The following CCDC66 variants were observed in gnomAD, a reference collection of about 807,000 sequenced individuals.
The protein encoded by CCDC66 is coiled-coil domain-containing protein 66.
A neutral mutation model predicts 128.3 loss-of-function variants in CCDC66; 133 were observed. The observed-to-expected ratio is 1.04, with a 90% CI of 0.90 to 1.20. CCDC66 has a LOEUF of 1.20. CCDC66 is among the 50% of genes most tolerant of loss of function. The probability of loss-of-function intolerance (pLI) is 0.00; values close to 1 mark genes in which losing one functional copy is unlikely to be tolerated. For synonymous variants in CCDC66, 387 were observed against 357.0 expected, an observed-to-expected ratio of 1.08 and a Z score of -0.95; for missense variants, 1,126 against 1,075.5, an observed-to-expected ratio of 1.05 and a Z score of -0.66.
chr3:56,604,540 G>C (rs915748503), intron 10 of CCDC66, among the ~76,000 whole-genome samples: 2 of 151,652 alleles, frequency 1.3e-5, no homozygotes, highest in African/African-American at 2.4e-5. Flanking sequence ...TTATGAAACT[G>C]AGTTTGGCTG....
At chr3:56,576,634 C>T (rs1032243170) in intron 7 of CCDC66, among the ~76,000 whole-genome samples, 4 of 145,896 alleles carry the variant, frequency 2.7e-5, no homozygotes, top group African/African-American at 1.0e-4. Context: ...TTAGTTCCCA[C>T]CTATAAGTGA....
chr3:56,582,527 A>G (rs2068578398), intron 7 of CCDC66, among the ~76,000 whole-genome samples: 1 of 151,214 alleles, frequency 6.6e-6, no homozygotes, highest in East Asian at 2.0e-4. Context: ...CCATCTTGGA[A>G]CCTCCTCCGG....
intron 7 of CCDC66, chr3:56,572,219 C>A: frequency 2.1e-6 from 1 of 468,938 alleles, no homozygotes; most frequent in Non-Finnish European, 3.9e-6. Context: ...ATCAAATATA[C>A]ACATATGCCA....
At chr3:56,580,598 A>G (rs1008909329) in intron 7 of CCDC66, among the ~76,000 whole-genome samples, 1 of 151,846 alleles carries the variant, frequency 6.6e-6, no homozygotes, top group Non-Finnish European at 1.5e-5. Flanking sequence ...CTTGTAAGGC[A>G]GGCCTGGTGG....
chr3:56,583,426 C>T, intron 7 of CCDC66, among the ~76,000 whole-genome samples: 1 of 151,828 alleles, frequency 6.6e-6, no homozygotes, highest in Non-Finnish European at 1.5e-5. Context: ...CTCTGGTTCT[C>T]CTAGGCAGAG....
intron 10 of CCDC66, among the ~76,000 whole-genome samples, chr3:56,603,087 G>A (rs1381136975): frequency 2.0e-5 from 3 of 151,608 alleles, no homozygotes; most frequent in Non-Finnish European, 4.4e-5. Flanking sequence ...CACCCACCTC[G>A]GCCTCCCAAA....
At chr3:56,600,100 G>A (rs1235056988) in intron 10 of CCDC66, among the ~76,000 whole-genome samples, 3 of 150,464 alleles carry the variant, frequency 2.0e-5, no homozygotes, top group Non-Finnish European at 2.9e-5. Flanking sequence ...ATTTGGGTTG[G>A]TTCCAAGTCT....
Position 56,563,668 on chromosome 3 carries a change from T to G in CCDC66, c.103-16T>G. 1.3e-6 allele frequency: 2 copies of G among 1,529,144 alleles called. No individual in the cohort carries two copies. The highest frequency in any genetic ancestry group is 8.8e-7 in the Non-Finnish European group (1 of 1,134,962). The allele number at this position is 1,529,144 out of a possible 1,614,324, so 94.7% of individuals were successfully genotyped here. A position where few individuals can be genotyped will look rare whatever the true frequency, so the allele number is the denominator to read the frequency against. On this transcript the variant is annotated splice_polypyrimidine_tract_variant and intron_variant, in intron 3 of 17. Coordinates refer to ENST00000394672, the MANE Select transcript of CCDC66 (RefSeq NM_001141947.3). ...CTTGGACAGTTATAAAGAATAAGCT[T>G]CTGGTGTTTTAACAGATGGGAAATA...
chr3:56,603,661 A>G (rs997018708), intron 10 of CCDC66, among the ~76,000 whole-genome samples: 4 of 151,730 alleles, frequency 2.6e-5, no homozygotes, highest in Admixed American at 1.3e-4. Flanking sequence ...CTGTGTTTTT[A>G]TATCTAGTTT....
At chr3:56,584,414 A>G (rs1313541139) in intron 7 of CCDC66, among the ~76,000 whole-genome samples, 1 of 139,042 alleles carries the variant, frequency 7.2e-6, no homozygotes, top group African/African-American at 2.7e-5. Context: ...CACTTCTCAG[A>G]CGGGGCGGCC....
chr3:56,566,720 A>G lies in CCDC66; in HGVS notation c.671A>G (p.His224Arg). The part of the protein sequence containing the change: ...PAENKSVLNE[H>R]QETSKQCEQK... ...GAAAATAAATCTGTCTTAAATGAACATCAGGAGACATCTAAACAGTGTGAG... is the reference window on the plus strand; with the variant it reads ...GAAAATAAATCTGTCTTAAATGAACGTCAGGAGACATCTAAACAGTGTGAG... The change falls in exon 5 of 18, where the codon CAT (histidine) becomes CGT (arginine). Residue 224 changes from histidine (H) to arginine (R), a missense_variant. Transcript: ENST00000394672. The G allele has an allele frequency of 6.2e-7, 1 of 1,613,804 alleles. No homozygotes were observed. Among genetic ancestry groups the G allele is most frequent in the Non-Finnish European group, 8.5e-7 (1 of 1,179,864 alleles).
chr3:56,598,442 TG>T (rs1270284178), intron 10 of CCDC66, among the ~76,000 whole-genome samples: 3 of 151,988 alleles, frequency 2.0e-5, no homozygotes, highest in Non-Finnish European at 4.4e-5. Flanking sequence ...CTAGGACTTC[TG>T]TTGCTATGTT....
At chr3:56,605,813 A>G (rs760426114) in intron 10 of CCDC66, among the ~76,000 whole-genome samples, 8 of 151,960 alleles carry the variant, frequency 5.3e-5, no homozygotes, top group Non-Finnish European at 1.2e-4. Flanking sequence ...TGGGCGATCC[A>G]CTGCTCTCTT....
chr3:56,603,131 G>T lies in CCDC66; in HGVS notation c.1404+9103G>T, dbSNP rs563280596. On this transcript the variant is annotated intron_variant, in intron 10 of 17. Coordinates refer to ENST00000394672, the MANE Select transcript of CCDC66 (RefSeq NM_001141947.3). ...ATTACAGGTGTGAGGCACGGCACCCGGCCCCCTTTATCATTTTTTATTGCG... is the reference window on the plus strand; with the variant it reads ...ATTACAGGTGTGAGGCACGGCACCCTGCCCCCTTTATCATTTTTTATTGCG... Among the ~76,000 whole-genome samples, 68 of 151,714 alleles carry T rather than the reference G, an allele frequency of 4.5e-4. 2 individuals are homozygous for T. The highest frequency in any genetic ancestry group is 1.6e-3 in the African/African-American group (67 of 41,292).
intron 10 of CCDC66, among the ~76,000 whole-genome samples, chr3:56,609,287 A>G (rs116378681): frequency 0.049 from 7,515 of 152,270 alleles, 194 homozygotes; most frequent in East Asian, 0.09. Context: ...TGTTAGGTGC[A>G]TATATGTTTA....
chr3:56,568,272 A>C (rs2066155455), intron 6 of CCDC66, among the ~76,000 whole-genome samples: 1 of 152,196 alleles, frequency 6.6e-6, no homozygotes, highest in Non-Finnish European at 1.5e-5. Context: ...GGGGTAAAAC[A>C]CTGTAGTTCC....
chr3:56,616,754 A>G (rs1403950380), intron 13 of CCDC66: 3 of 182,422 alleles, frequency 1.6e-5, no homozygotes, highest in African/African-American at 7.1e-5. Context: ...ACCATTTTAC[A>G]TTCCCACCAT....
intron 7 of CCDC66, among the ~76,000 whole-genome samples, chr3:56,575,187 G>A (rs2067189459): frequency 6.6e-6 from 1 of 151,738 alleles, no homozygotes; most frequent in Non-Finnish European, 1.5e-5. Flanking sequence ...GCTTTCCACA[G>A]CAGCTGTACC....
intron 7 of CCDC66, among the ~76,000 whole-genome samples, chr3:56,574,902 A>G (rs141045826): frequency 1.6e-4 from 24 of 151,916 alleles, no homozygotes; most frequent in Non-Finnish European, 2.4e-4. Flanking sequence ...ATAACATCCT[A>G]TTGTATGTAT....
Sources: allele counts gnomAD v4.1 joint callset (sites outside exome capture counted in the v4.1 genomes callset), GRCh38; gene constraint gnomAD v4.1.1; transcripts MANE v1.5; gene names NCBI Gene and HGNC (gene_info 2026-07-23, HGNC 2026-07-21).